Variants in TNR observed in about 807,000 individuals in gnomAD.
TNR encodes tenascin R.
TNR carries 45 observed loss-of-function variants against 150.4 expected under a neutral mutation model. The observed-to-expected ratio is 0.30, with a 90% CI of 0.24 to 0.38. The LOEUF (loss-of-function observed/expected upper bound fraction) is 0.38, where lower values mean the gene tolerates loss of function less well. Among genes scored for constraint, TNR ranks in the 10% least tolerant of loss-of-function variants. TNR has a pLI of 1.00. For synonymous variants in TNR, 687 were observed against 678.4 expected (o/e 1.01, Z -0.20); for missense variants, 1,544 against 1,759.1 (o/e 0.88, Z 2.19).
chr1:175,374,267 A>G (rs1450002605), intron 9 of TNR, among the ~76,000 whole-genome samples: 1 of 152,126 alleles, frequency 6.6e-6, no homozygotes, highest in Non-Finnish European at 1.5e-5. Context: ...TGAGGAGCCG[A>G]CCTTCTCACC....
Position 175,716,907 on chromosome 1 carries a change from T to C in TNR, c.-165+26319A>G, listed in dbSNP as rs569831851. ...CCTTCTGCCTAGGATGACTTCCACTTCTCCCTCCATAGATGAAAATGCTCC... is the reference window on the plus strand; with the variant it reads ...CCTTCTGCCTAGGATGACTTCCACTCCTCCCTCCATAGATGAAAATGCTCC... On this transcript the variant is annotated intron_variant, in intron 1 of 22. Coordinates refer to ENST00000367674, the MANE Select transcript of TNR (RefSeq NM_003285.3). Among the ~76,000 whole-genome samples, 21 of 152,198 alleles carry C rather than the reference T, an allele frequency of 1.4e-4. 1 individual carries two copies. Among genetic ancestry groups the C allele is most frequent in the African/African-American group, 4.8e-4 (20 of 41,522 alleles).
At chr1:175,470,298 G>A (rs1657230476) in intron 2 of TNR, among the ~76,000 whole-genome samples, 2 of 152,014 alleles carry the variant, frequency 1.3e-5, no homozygotes. Context: ...AAAGAAGGCA[G>A]GAAATGACAT....
intron 1 of TNR, among the ~76,000 whole-genome samples, chr1:175,564,406 C>CT (rs1349726603): frequency 3.9e-5 from 6 of 152,212 alleles, no homozygotes; most frequent in Non-Finnish European, 8.8e-5. Flanking sequence ...AAAGAAATCC[C>CT]TCGTCAAGAG....
At chr1:175,486,811 C>T (rs1291276448) in intron 2 of TNR, among the ~76,000 whole-genome samples, 1 of 152,180 alleles carries the variant, frequency 6.6e-6, no homozygotes. Context: ...TTAGTGATCA[C>T]CATTCTAACT....
intron 1 of TNR, among the ~76,000 whole-genome samples, chr1:175,616,137 G>A (rs565599624): frequency 6.6e-6 from 1 of 152,136 alleles, no homozygotes; most frequent in Non-Finnish European, 1.5e-5. Context: ...GGTCAGCTAC[G>A]TTTCCCCATG....
At chr1:175,429,009 G>A (rs975653773) in intron 2 of TNR, among the ~76,000 whole-genome samples, 1 of 152,156 alleles carries the variant, frequency 6.6e-6, no homozygotes, top group African/African-American at 2.4e-5. Flanking sequence ...AAATAAAGCA[G>A]AAATCAGAGC....
rs1321891436 is a variant in TNR at position 175,315,844 on chromosome 1, GT to G, written c.*7512del. 1.3e-5 allele frequency: 2 copies of G among 152,088 alleles called. No individual in the cohort carries two copies. The highest frequency in any genetic ancestry group is 2.9e-5 in the Non-Finnish European group (2 of 68,262). 9.4% of individuals were successfully genotyped at this position (152,088 alleles called of 1,614,324 possible). A position where few individuals can be genotyped will look rare whatever the true frequency, so the allele number is the denominator to read the frequency against. ...TGTGTGTGTGTGTGTGTGTGTGTGT[GT>G]GAATGATTGGAAGGAGGAGCCTGTG... On this transcript the variant is annotated 3_prime_UTR_variant, in exon 23 of 23. Transcript: ENST00000367674.
chr1:175,446,065 C>T (rs1432871478), intron 2 of TNR, among the ~76,000 whole-genome samples: 1 of 152,196 alleles, frequency 6.6e-6, no homozygotes, highest in East Asian at 1.9e-4. Context: ...AATTGTGGCT[C>T]TTTTTTTCTT....
chr1:175,632,626 G>A (rs1417990634), intron 1 of TNR, among the ~76,000 whole-genome samples: 1 of 152,100 alleles, frequency 6.6e-6, no homozygotes, highest in African/African-American at 2.4e-5. Flanking sequence ...ATAAGTTTTG[G>A]TGTTAAAAAC....
intron 1 of TNR, among the ~76,000 whole-genome samples, chr1:175,548,230 G>C (rs534451869): frequency 1.3e-5 from 2 of 152,212 alleles, no homozygotes; most frequent in East Asian, 3.9e-4. Context: ...CATGTCTACA[G>C]TTTTAGAACC....
chr1:175,695,249 G>A (rs2101921548), intron 1 of TNR, among the ~76,000 whole-genome samples: 1 of 152,312 alleles, frequency 6.6e-6, no homozygotes, highest in East Asian at 1.9e-4. Context: ...GGGGCCCAGT[G>A]GAGAGTCCAC....
chr1:175,351,767 C>T (rs552243966), intron 18 of TNR, among the ~76,000 whole-genome samples: 3 of 152,258 alleles, frequency 2.0e-5, no homozygotes, highest in East Asian at 3.9e-4. Flanking sequence ...AGTAAAACTG[C>T]GAAAGCTTCC....
At chr1:175,397,569 A>C (rs1653492654) in intron 4 of TNR, among the ~76,000 whole-genome samples, 1 of 152,250 alleles carries the variant, frequency 6.6e-6, no homozygotes, top group Admixed American at 6.5e-5. Context: ...AAGCCAAAAC[A>C]GTAAGTCCTG....
chr1:175,498,319 G>C (rs527793032), intron 2 of TNR, among the ~76,000 whole-genome samples: 48 of 152,304 alleles, frequency 3.2e-4, no homozygotes, highest in African/African-American at 1.1e-3. Flanking sequence ...GAGCCTGAGT[G>C]GTCTGTGTCA....
intron 18 of TNR, among the ~76,000 whole-genome samples, chr1:175,340,267 TC>T (rs1322256559): frequency 1.3e-5 from 2 of 152,116 alleles, no homozygotes; most frequent in African/African-American, 4.8e-5. Context: ...CAATGATGCA[TC>T]GTTGCTGGGT....
chr1:175,619,558 C>T (rs776205646), intron 1 of TNR, among the ~76,000 whole-genome samples: 3 of 152,116 alleles, frequency 2.0e-5, no homozygotes, highest in Admixed American at 6.5e-5. Context: ...CTCCACAGCT[C>T]GCTTTGGACC....
chr1:175,354,305 C>G (rs1322007043), intron 18 of TNR, 86 bp downstream of exon 18: 37 of 1,530,644 alleles, frequency 2.4e-5, no homozygotes, highest in Non-Finnish European at 3.1e-5. Context: ...ATAAACTGCT[C>G]CCAGAGCAAG....
At chr1:175,647,676 G>T (rs561321401) in intron 1 of TNR, among the ~76,000 whole-genome samples, 5 of 152,282 alleles carry the variant, frequency 3.3e-5, no homozygotes, top group Non-Finnish European at 7.4e-5. Context: ...GCTTTGGAAA[G>T]CCTGGAGTCC....
chr1:175,634,075 A>C (rs1664419478), intron 1 of TNR, among the ~76,000 whole-genome samples: 1 of 152,152 alleles, frequency 6.6e-6, no homozygotes, highest in Non-Finnish European at 1.5e-5. Flanking sequence ...AAGCTAATCT[A>C]TGTAACCACT....
Sources: gnomAD v4.1 joint callset for allele counts (sites outside exome capture counted in the v4.1 genomes callset) on GRCh38, gnomAD v4.1.1 for gene constraint, MANE v1.5 for transcripts, NCBI Gene and HGNC (gene_info 2026-07-23, HGNC 2026-07-21) for gene names.